Variants in SECISBP2L observed in about 807,000 individuals in gnomAD.
The protein encoded by SECISBP2L is SECIS binding protein 2 like, also known as selenocysteine insertion sequence-binding protein 2-like.
In SECISBP2L, 43 loss-of-function variants were observed where a neutral mutation model predicts 114.7. The observed-to-expected ratio is 0.38, with a 90% CI of 0.29 to 0.48. The LOEUF (loss-of-function observed/expected upper bound fraction) is 0.48, where lower values mean the gene tolerates loss of function less well. SECISBP2L is among the 20% of genes least tolerant of loss of function. The pLI is 0.98. For missense variants in SECISBP2L, 1,136 were observed against 1,301.1 expected, an observed-to-expected ratio of 0.87 and a Z score of 1.95; for synonymous variants, 451 against 439.7, an observed-to-expected ratio of 1.03 and a Z score of -0.32.
At chr15:49,010,161 T>C (rs1341102980) in intron 13 of SECISBP2L, among the ~76,000 whole-genome samples, 5 of 45,566 alleles carry the variant, frequency 1.1e-4, no homozygotes, top group Non-Finnish European at 1.7e-4. Flanking sequence ...ACACCCCTCT[T>C]GCCAGATCAC....
chr15:49,010,281 C>A (rs1902411889), intron 13 of SECISBP2L, among the ~76,000 whole-genome samples: 1 of 151,954 alleles, frequency 6.6e-6, no homozygotes, highest in African/African-American at 2.4e-5. Flanking sequence ...TTCTACCTCA[C>A]CCTCTCCACA....
Position 48,990,856 on chromosome 15 carries a change from T to TG in SECISBP2L, c.*1387dup, listed in dbSNP as rs948842662. 1 of 9,930 alleles carries TG rather than the reference T, an allele frequency of 1.0e-4. No individual in the cohort carries two copies. Among genetic ancestry groups the TG allele is most frequent in the Non-Finnish European group, 2.1e-4 (1 of 4,814 alleles). The allele number at this position is 9,930 out of a possible 1,614,324, so 0.6% of individuals were successfully genotyped here. Reference sequence around the variant, plus strand: ...GATGTGTGCATGTGTGTGAGGGGGGTGGGGGGGACAGTTGGGGGTGGTGGG... The same window carrying TG: ...GATGTGTGCATGTGTGTGAGGGGGGTGGGGGGGGACAGTTGGGGGTGGTGGG... On this transcript the variant is annotated 3_prime_UTR_variant, in exon 18 of 18. Coordinates refer to ENST00000559471, the MANE Select transcript of SECISBP2L (RefSeq NM_001193489.2).
chr15:49,012,630 C>T lies in SECISBP2L; in HGVS notation c.1731+18G>A. 6.2e-7 allele frequency: 1 copy of T among 1,607,722 alleles called. No individual in the cohort carries two copies. The highest frequency in any genetic ancestry group is 8.5e-7 in the Non-Finnish European group (1 of 1,178,432). On this transcript the variant is annotated intron_variant, in intron 12 of 17. Coordinates refer to ENST00000559471, the MANE Select transcript of SECISBP2L (RefSeq NM_001193489.2). Reference sequence around the variant, plus strand: ...TATTCATCCTATAAAATAAATATCCCACCAGATTTTGGTTTACCTTTTTAA... The same window carrying T: ...TATTCATCCTATAAAATAAATATCCTACCAGATTTTGGTTTACCTTTTTAA...
chr15:49,036,591 G>C (rs1301868331), intron 2 of SECISBP2L, among the ~76,000 whole-genome samples: 5 of 152,108 alleles, frequency 3.3e-5, no homozygotes, highest in South Asian at 2.1e-4. Flanking sequence ...TTAGTTTCAT[G>C]AATCAGTTTG....
chr15:49,041,706 T>A (rs1276810403), intron 1 of SECISBP2L, among the ~76,000 whole-genome samples: 1 of 152,094 alleles, frequency 6.6e-6, no homozygotes, highest in Non-Finnish European at 1.5e-5. Flanking sequence ...TCTCCCACAG[T>A]GAAACTCCAG....
intron 7 of SECISBP2L, among the ~76,000 whole-genome samples, chr15:49,024,184 G>C (rs1009219942): frequency 6.6e-6 from 1 of 152,056 alleles, no homozygotes; most frequent in African/African-American, 2.4e-5. Flanking sequence ...AACAAAACAA[G>C]TAGCCCCAAA....
At chr15:49,015,474 C>A (rs1484377722) in intron 11 of SECISBP2L, among the ~76,000 whole-genome samples, 1 of 152,134 alleles carries the variant, frequency 6.6e-6, no homozygotes, top group Non-Finnish European at 1.5e-5. Flanking sequence ...TGTAATTTAT[C>A]TTTCTGTCTA....
chr15:49,026,000 A>T (rs562051159), intron 7 of SECISBP2L, among the ~76,000 whole-genome samples: 1 of 152,328 alleles, frequency 6.6e-6, no homozygotes, highest in East Asian at 1.9e-4. Flanking sequence ...AGATGAATGG[A>T]TGAAGAAATG....
intron 7 of SECISBP2L, among the ~76,000 whole-genome samples, chr15:49,025,543 T>C (rs951551713): frequency 2.0e-5 from 3 of 152,154 alleles, no homozygotes; most frequent in Admixed American, 6.6e-5. Flanking sequence ...TGTGGTATCA[T>C]GGCACTAAAA....
Position 49,001,036 on chromosome 15 carries a change from G to A in SECISBP2L, c.2089C>T (p.Leu697Phe). 6.2e-7 allele frequency: 1 copy of A among 1,613,630 alleles called. No individual in the cohort carries two copies. Among genetic ancestry groups the A allele is most frequent in the Non-Finnish European group, 8.5e-7 (1 of 1,179,836 alleles). Residue 697 changes from leucine (L) to phenylalanine (F), a missense_variant, in exon 15 of 18, where the codon CTT becomes TTT. Physicochemically the swap from Leu to Phe is conservative, Grantham distance 22. This residue lies in a region of SECISBP2L where 684 missense variants were observed against 848.7 expected (regional missense o/e 0.81). Coordinates refer to ENST00000559471, the MANE Select transcript of SECISBP2L (RefSeq NM_001193489.2). ...TAGATGCGTTCCTGGAAACTGACAA[G>A]CTCTTGGAGAAGAAGAGTCACACAT... ...DECVTLLLQE[L>F]VSFQERIYQK...
At chr15:49,009,869 T>C (rs745473338) in intron 13 of SECISBP2L, among the ~76,000 whole-genome samples, 8 of 152,178 alleles carry the variant, frequency 5.3e-5, no homozygotes, top group Non-Finnish European at 1.2e-4. Flanking sequence ...TGGTGGCTCA[T>C]GCCTGTAATC....
intron 2 of SECISBP2L, among the ~76,000 whole-genome samples, chr15:49,036,988 T>C (rs962581894): frequency 6.6e-6 from 1 of 152,134 alleles, no homozygotes; most frequent in Non-Finnish European, 1.5e-5. Flanking sequence ...AAATAAACTA[T>C]ACCAATGAAG....
intron 1 of SECISBP2L, among the ~76,000 whole-genome samples, chr15:49,038,526 A>T (rs2141086884): frequency 6.6e-6 from 1 of 152,060 alleles, no homozygotes; most frequent in East Asian, 1.9e-4. Context: ...TCAGGATAGG[A>T]ATTATTCTTA....
In SECISBP2L at chr15:49,035,282, T is replaced by C. The variant is rs112912603; in HGVS notation, c.528+52A>G. On this transcript the variant is annotated intron_variant, in intron 3 of 17. Transcript: ENST00000559471. ...ATCAACCCAAGTAGCAAATTGCTTA[T>C]ACTAATATAAGTAATATCAAATTTA... The C allele has an allele frequency of 2.1e-5, 32 of 1,523,634 alleles. No homozygotes were observed. In the African/African-American group the frequency reaches 2.6e-4, roughly 13 times the overall value. 94.4% of individuals were successfully genotyped at this position (1,523,634 alleles called of 1,614,324 possible).
At chr15:49,002,238 C>T (rs997281592) in intron 14 of SECISBP2L, among the ~76,000 whole-genome samples, 1 of 152,222 alleles carries the variant, frequency 6.6e-6, no homozygotes, top group African/African-American at 2.4e-5. Context: ...CGTTTCTTGA[C>T]CGCATAAACG....
At chr15:49,006,784 G>A (rs1228002365) in intron 14 of SECISBP2L, among the ~76,000 whole-genome samples, 1 of 152,094 alleles carries the variant, frequency 6.6e-6, no homozygotes, top group East Asian at 1.9e-4. Context: ...ACCTTCTGAA[G>A]CCTACTTCCG....
In SECISBP2L at chr15:49,038,681, TGTTATA is replaced by T. The variant is rs1903062156; in HGVS notation, c.25-918_25-913del. 5.9e-5 allele frequency among the ~76,000 whole-genome samples: 9 copies of T among 152,264 alleles called. No homozygotes were observed. The South Asian group carries it at 1.9e-3, about 32-fold the overall frequency. ...ACATTGGTTTTATGCAGTTTCTATA[TGTTATA>T]GTTAACAACAAATTTAACATTTTAA... On this transcript the variant is annotated intron_variant, in intron 1 of 17. Transcript: ENST00000559471.
At chr15:49,001,196 G>T (rs1221516152) in intron 14 of SECISBP2L, 99 bp from the exon 15 acceptor site, 2 of 747,762 alleles carry the variant, frequency 2.7e-6, no homozygotes, top group East Asian at 5.5e-5. Context: ...AATATATATG[G>T]TAAGAAGTTT....
intron 17 of SECISBP2L, among the ~76,000 whole-genome samples, chr15:48,994,281 G>A (rs1902045027): frequency 6.6e-6 from 1 of 152,040 alleles, no homozygotes; most frequent in Non-Finnish European, 1.5e-5. Flanking sequence ...CATGACACCT[G>A]TAGCTCAAAA....
Sources: allele counts gnomAD v4.1 joint callset (sites outside exome capture counted in the v4.1 genomes callset), GRCh38; gene constraint gnomAD v4.1.1; regional missense constraint gnomAD v4.1.1; transcripts MANE v1.5; gene names NCBI Gene and HGNC (gene_info 2026-07-23, HGNC 2026-07-21).